Variants in ZNF606 observed in about 807,000 individuals in gnomAD.
ZNF606 encodes the protein zinc finger protein 606.
Under a neutral mutation model 74.9 loss-of-function variants are expected in ZNF606, and 37 were observed. The observed-to-expected ratio is 0.49, with a 90% CI of 0.38 to 0.65. The LOEUF (loss-of-function observed/expected upper bound fraction) is 0.65. ZNF606 is among the 30% of genes least tolerant of loss of function. The probability of loss-of-function intolerance (pLI) is 0.00; values close to 1 mark genes in which losing one functional copy is unlikely to be tolerated. For missense variants in ZNF606, 852 were observed against 952.9 expected (o/e 0.89, Z 1.39); for synonymous variants, 328 against 312.4 (o/e 1.05, Z -0.53).
At chr19:58,000,255 T>A (rs547117694) in intron 3 of ZNF606, 132 of 422,384 alleles carry the variant, frequency 3.1e-4, no homozygotes, top group African/African-American at 2.4e-3. Context: ...TGAGTCTCGC[T>A]CTGTCGCCCA....
chr19:57,985,611 A>T (rs1395497393), intron 6 of ZNF606, among the ~76,000 whole-genome samples: 1 of 152,148 alleles, frequency 6.6e-6, no homozygotes, highest in African/African-American at 2.4e-5. Flanking sequence ...GCTCCAACCT[A>T]GAAGGCTACA....
intron 6 of ZNF606, among the ~76,000 whole-genome samples, chr19:57,982,693 G>A (rs2073103447): frequency 6.6e-6 from 1 of 152,056 alleles, no homozygotes; most frequent in African/African-American, 2.4e-5. Context: ...GAGTGCAGTG[G>A]TACCGTCATA....
At chr19:57,987,291 G>A (rs1201200771) in intron 6 of ZNF606, among the ~76,000 whole-genome samples, 1 of 151,994 alleles carries the variant, frequency 6.6e-6, no homozygotes, top group African/African-American at 2.4e-5. Context: ...TGTCACTCGG[G>A]CTGGAGTGCA....
chr19:58,001,392 G>A, intron 1 of ZNF606, 22 bp from the exon 2 acceptor site: 1 of 1,582,782 alleles, frequency 6.3e-7, no homozygotes. Context: ...AGTGAAAAAA[G>A]ACAAAACTAG....
chr19:57,998,947 GC>G (rs1419542469), intron 4 of ZNF606: 2 of 152,598 alleles, frequency 1.3e-5, no homozygotes, highest in Non-Finnish European at 2.9e-5. Flanking sequence ...ACACCAGCCT[GC>G]TTCCCACAGC....
chr19:57,989,298 A>G (rs1053708020), intron 4 of ZNF606, among the ~76,000 whole-genome samples: 1 of 152,058 alleles, frequency 6.6e-6, no homozygotes, highest in Non-Finnish European at 1.5e-5. Context: ...TACAGCTGCC[A>G]TTAAAAGCAC....
intron 6 of ZNF606, among the ~76,000 whole-genome samples, chr19:57,981,197 C>T (rs575168515): frequency 1.1e-4 from 17 of 152,266 alleles, no homozygotes; most frequent in South Asian, 2.1e-4. Context: ...GTAGAAATTT[C>T]GCACGTGTTG....
rs1402849757 is a variant in ZNF606 at position 57,988,650 on chromosome 19, C to G, written c.249G>C (p.Gln83His). The G allele has an allele frequency of 2.5e-6, 4 of 1,614,188 alleles. No individual in the cohort carries two copies. The stretch of plus-strand genomic sequence containing the variant: ...GCATCACATCACGGTACAGGGTCCT[C>G]TGAACAAGGTCCAGCTGCCCCCACT... The part of the protein sequence containing the change: ...QEEWGQLDLV[Q>H]RTLYRDVMLE... Residue 83 changes from glutamine to histidine, a missense_variant, in exon 5 of 7, where the codon CAG becomes CAC. Around this residue, in one of 3 missense-constraint regions of ZNF606, gnomAD observed 545 missense variants for 542.5 expected, o/e 1.00. Coordinates refer to ENST00000551380, the MANE Select transcript of ZNF606 (RefSeq NM_001348022.3).
At chr19:57,995,552 G>A (rs2073325897) in intron 4 of ZNF606, among the ~76,000 whole-genome samples, 2 of 152,160 alleles carry the variant, frequency 1.3e-5, no homozygotes, top group Non-Finnish European at 2.9e-5. Flanking sequence ...GTTGGGCTGG[G>A]TGCAGTGGCT....
chr19:58,000,007 G>C (rs771102500), intron 3 of ZNF606, 111 bp from the exon 4 acceptor site: 18 of 872,900 alleles, frequency 2.1e-5, no homozygotes, highest in Non-Finnish European at 3.1e-5. Flanking sequence ...TGAGGAAAGA[G>C]ACCCACTTCC....
chr19:57,993,217 T>C (rs1473377374), intron 4 of ZNF606, among the ~76,000 whole-genome samples: 5 of 152,338 alleles, frequency 3.3e-5, no homozygotes, highest in Non-Finnish European at 7.3e-5. Context: ...TAAATTCATG[T>C]TGTTCTAAGC....
At chr19:57,999,500 G>A (rs567517514) in intron 4 of ZNF606, 3 of 476,578 alleles carry the variant, frequency 6.3e-6, no homozygotes, top group African/African-American at 5.8e-5. Flanking sequence ...GCCTAAATCG[G>A]GTGCTAAAGA....
At position 57,979,165 on chromosome 19, in the gene ZNF606, A is replaced by C. The variant is rs1355711897; in HGVS notation, c.1515T>G (p.Thr505=). The C allele has an allele frequency of 6.2e-7, 1 of 1,614,004 alleles. No individual in the cohort carries two copies. Among genetic ancestry groups the C allele is most frequent in the East Asian group, 2.2e-5 (1 of 44,878 alleles). The change falls in exon 7 of 7, where the codon ACT becomes ACG. Residue 505 remains threonine, a synonymous_variant. Coordinates refer to ENST00000551380, the MANE Select transcript of ZNF606 (RefSeq NM_001348022.3). ...ATTCAAAAGGTTTCTCTCCTGTATG[A>C]GTCCTCTGATGTCCAATAAGATGAG... The part of the protein sequence containing the change: ...WNSHLIGHQR[T]HTGEKPFECT...
rs761911475 is a variant in ZNF606 at position 58,001,374 on chromosome 19, G to C, written c.-51-4C>G. 6 of 1,611,038 alleles carry C rather than the reference G, an allele frequency of 3.7e-6. No homozygotes were observed. In the East Asian group the frequency reaches 1.1e-4, roughly 30 times the overall value. On this transcript the variant is annotated splice_region_variant and splice_polypyrimidine_tract_variant and intron_variant, in intron 1 of 6. Coordinates refer to ENST00000551380, the MANE Select transcript of ZNF606 (RefSeq NM_001348022.3). ...CAGGAACACAGCAAATCCCAACCTA[G>C]TGACAAAAGTGAAAAAAGACAAAAC...
intron 1 of ZNF606, 22 bp downstream of exon 1, chr19:58,002,374 C>A: frequency 2.2e-6 from 1 of 456,750 alleles, no homozygotes; most frequent in Non-Finnish European, 4.4e-6. Flanking sequence ...CGCGACGCTG[C>A]AAAAGCTCGT....
At chr19:57,983,185 T>G (rs894969983) in intron 6 of ZNF606, among the ~76,000 whole-genome samples, 3 of 152,186 alleles carry the variant, frequency 2.0e-5, no homozygotes, top group African/African-American at 4.8e-5. Context: ...CTACTGAGTT[T>G]CCAGCACCAG....
chr19:58,001,615 G>A (rs1311522290), intron 1 of ZNF606, among the ~76,000 whole-genome samples: 1 of 152,194 alleles, frequency 6.6e-6, no homozygotes, highest in African/African-American at 2.4e-5. Flanking sequence ...ATTCCCAAGA[G>A]ACAGCCAGTC....
In ZNF606 at chr19:57,978,356, C is replaced by T. The variant is rs1188919270; in HGVS notation, c.2324G>A (p.Gly775Asp). The T allele has an allele frequency of 1.9e-6, 3 of 1,603,400 alleles. No individual in the cohort carries two copies. The highest frequency in any genetic ancestry group is 1.3e-5 in the African/African-American group (1 of 74,838). The change falls in exon 7 of 7, where the codon GGT becomes GAT. Residue 775 changes from glycine to aspartate, a missense_variant. Gly to Asp is a moderately conservative substitution (Grantham distance 94). Coordinates refer to ENST00000551380, the MANE Select transcript of ZNF606 (RefSeq NM_001348022.3). This position sits in a 1 kb window ranked among gnomAD's most constrained non-coding sequence, Gnocchi z 4.4. ...ICSECGKAFSGHSALLQHQRN... is the reference protein window; with the variant it reads ...ICSECGKAFSDHSALLQHQRN... ...CTGGTGTTGAAGTAGGGCTGAGTGACCACTAAAGGCTTTTCCACATTCACT... is the reference window on the plus strand; with the variant it reads ...CTGGTGTTGAAGTAGGGCTGAGTGATCACTAAAGGCTTTTCCACATTCACT...
At chr19:57,988,350 C>T (rs1179964660) in intron 5 of ZNF606, 48 bp from the exon 6 acceptor site, 4 of 1,575,320 alleles carry the variant, frequency 2.5e-6, no homozygotes, top group Non-Finnish European at 3.5e-6. Flanking sequence ...GGCTTCAGGA[C>T]AGCCAAAGAA....
Sources: allele counts gnomAD v4.1 joint callset (sites outside exome capture counted in the v4.1 genomes callset), GRCh38; gene constraint gnomAD v4.1.1; regional missense constraint gnomAD v4.1.1; non-coding constraint Gnocchi (gnomAD v3.1); transcripts MANE v1.5; gene names NCBI Gene and HGNC (gene_info 2026-07-23, HGNC 2026-07-21).